Variants in ACOT13 observed in about 807,000 individuals in gnomAD.
The protein encoded by ACOT13 is acyl-coenzyme A thioesterase 13.
Under a neutral mutation model 11.8 loss-of-function variants are expected in ACOT13, and 10 were observed. The observed-to-expected ratio is 0.85, with a 90% confidence interval of 0.53 to 1.44. The LOEUF (loss-of-function observed/expected upper bound fraction) is 1.44. ACOT13 is among the 40% of genes most tolerant of loss of function. The probability of loss-of-function intolerance (pLI) is 0.00; values close to 1 mark genes in which losing one functional copy is unlikely to be tolerated. For missense variants in ACOT13, 172 were observed against 174.1 expected (o/e 0.99, Z 0.07); for synonymous variants, 53 against 61.0 (o/e 0.87, Z 0.61).
At chr6:24,676,572 T>C (rs1778458238) in intron 1 of ACOT13, among the ~76,000 whole-genome samples, 1 of 152,210 alleles carries the variant, frequency 6.6e-6, no homozygotes, top group African/African-American at 2.4e-5. Flanking sequence ...ACATTGATTT[T>C]GTATCCTGAG....
At chr6:24,700,423 AC>A (rs1262862556) in intron 2 of ACOT13, among the ~76,000 whole-genome samples, 6 of 117,252 alleles carry the variant, frequency 5.1e-5, no homozygotes, top group Non-Finnish European at 1.0e-4. Context: ...AATAAGATCC[AC>A]CTTTTTTTTT....
intron 1 of ACOT13, among the ~76,000 whole-genome samples, chr6:24,676,630 G>C (rs572815986): frequency 6.6e-6 from 1 of 152,176 alleles, no homozygotes; most frequent in African/African-American, 2.4e-5. Flanking sequence ...GGGCTGAGAT[G>C]ATGGGGTTTT....
At position 24,702,661 on chromosome 6, in the gene ACOT13, G is replaced by C. The variant is rs1013021291; in HGVS notation, c.*1046G>C. On this transcript the variant is annotated 3_prime_UTR_variant, in exon 3 of 3. Transcript: ENST00000230048. Reference sequence around the variant, plus strand: ...AAGATTATGAAACTTCAAAATATATGAACTACAGCCCATATTGAAAAATAA... The same window carrying C: ...AAGATTATGAAACTTCAAAATATATCAACTACAGCCCATATTGAAAAATAA... 1 of 151,780 alleles carries C rather than the reference G, an allele frequency of 6.6e-6. No individual in the cohort carries two copies. The highest frequency in any genetic ancestry group is 1.5e-5 in the Non-Finnish European group (1 of 67,980). The allele number at this position is 151,780 out of a possible 1,614,324, so 9.4% of individuals were successfully genotyped here. A position where few individuals can be genotyped will look rare whatever the true frequency, so the allele number is the denominator to read the frequency against.
intron 1 of ACOT13, among the ~76,000 whole-genome samples, chr6:24,680,003 TA>T (rs2127623408): frequency 6.6e-6 from 1 of 152,334 alleles, no homozygotes; most frequent in South Asian, 2.1e-4. Context: ...GTTCATTGTT[TA>T]TCCCTTTGTC....
intron 1 of ACOT13, among the ~76,000 whole-genome samples, chr6:24,669,138 T>A (rs1167212444): frequency 1.3e-5 from 2 of 152,208 alleles, no homozygotes; most frequent in African/African-American, 4.8e-5. Context: ...AGAAAGTTTA[T>A]TTTGCCAAGG....
chr6:24,678,061 AAG>A, intron 1 of ACOT13, among the ~76,000 whole-genome samples: 1 of 152,222 alleles, frequency 6.6e-6, no homozygotes, highest in East Asian at 1.9e-4. Context: ...ACTGAAGGAC[AAG>A]AGTGTCCAGG....
intron 1 of ACOT13, among the ~76,000 whole-genome samples, chr6:24,679,364 G>A (rs186727379): frequency 7.6e-4 from 116 of 152,266 alleles, no homozygotes; most frequent in Admixed American, 2.6e-3. Context: ...TCTAATGTCT[G>A]CAGTTGACTG....
Position 24,701,370 on chromosome 6 carries a change from A to G in ACOT13, c.267-89A>G, listed in dbSNP as rs1328749606. ...CGTTAAAACTATTTTTAGGAGTAAA[A>G]TAAGTTACATAGGAACACTGTTGTG... is the stretch of plus-strand genomic sequence containing the variant. On this transcript the variant is annotated intron_variant, in intron 2 of 2. Coordinates refer to ENST00000230048, the MANE Select transcript of ACOT13 (RefSeq NM_018473.4). 6 of 1,210,396 alleles carry G rather than the reference A, an allele frequency of 5.0e-6. No individual in the cohort carries two copies. The African/African-American group carries it at 9.2e-5, about 18-fold the overall frequency. The allele number at this position is 1,210,396 out of a possible 1,614,324, so 75.0% of individuals were successfully genotyped here. A position where few individuals can be genotyped will look rare whatever the true frequency, so the allele number is the denominator to read the frequency against.
intron 1 of ACOT13, among the ~76,000 whole-genome samples, chr6:24,678,995 T>C (rs1351762699): frequency 1.3e-5 from 2 of 152,208 alleles, no homozygotes; most frequent in African/African-American, 4.8e-5. Flanking sequence ...GGTTAGTGGC[T>C]TCTGACTCAG....
rs1308286611 is a variant in ACOT13, at chr6:24,701,683, G to T, written c.*68G>T. 5.6e-5 allele frequency: 81 copies of T among 1,434,096 alleles called. No individual in the cohort carries two copies. The highest frequency in any genetic ancestry group is 7.0e-5 in the Non-Finnish European group (75 of 1,074,152). 88.8% of individuals were successfully genotyped at this position (1,434,096 alleles called of 1,614,324 possible). A position where few individuals can be genotyped will look rare whatever the true frequency, so the allele number is the denominator to read the frequency against. On this transcript the variant is annotated 3_prime_UTR_variant, in exon 3 of 3. Transcript: ENST00000230048. ...AAGTATAGATTTGACTCAAACAATT[G>T]TAATTTTTGAAATAAACTAGCAAAA...
intron 1 of ACOT13, among the ~76,000 whole-genome samples, chr6:24,671,779 A>G (rs1256710342): frequency 6.6e-6 from 1 of 152,230 alleles, no homozygotes; most frequent in East Asian, 1.9e-4. Flanking sequence ...CAAAGACACA[A>G]TTGACAAGGA....
At position 24,674,808 on chromosome 6, in the gene ACOT13, T is replaced by C. The variant is rs555074231; in HGVS notation, c.81+7464T>C. Among the ~76,000 whole-genome samples the C allele has an allele frequency of 3.3e-5, 5 of 152,174 alleles. No individual in the cohort carries two copies. In the East Asian group the frequency reaches 9.7e-4, roughly 29 times the overall value. ...CAGGTTTGTTACATATGTATACATGTGCCATGTTGGTGTGCTGCACCCATT... is the reference window on the plus strand; with the variant it reads ...CAGGTTTGTTACATATGTATACATGCGCCATGTTGGTGTGCTGCACCCATT... On this transcript the variant is annotated intron_variant, in intron 1 of 2. Coordinates refer to ENST00000230048, the MANE Select transcript of ACOT13 (RefSeq NM_018473.4).
At chr6:24,685,561 T>C (rs1032724119) in intron 1 of ACOT13, among the ~76,000 whole-genome samples, 5 of 152,006 alleles carry the variant, frequency 3.3e-5, no homozygotes, top group African/African-American at 1.2e-4. Flanking sequence ...TTAGCCAGGA[T>C]GGTCTCGATC....
At chr6:24,696,162 C>T (rs1225921990) in intron 1 of ACOT13, among the ~76,000 whole-genome samples, 1 of 152,184 alleles carries the variant, frequency 6.6e-6, no homozygotes, top group Non-Finnish European at 1.5e-5. Flanking sequence ...CAAAACATGA[C>T]ATAATATTGT....
chr6:24,703,569 A>G lies in ACOT13; in HGVS notation c.*1954A>G, dbSNP rs111812604. 2.3e-3 allele frequency: 353 copies of G among 152,276 alleles called. 2 individuals are homozygous for G. Among genetic ancestry groups the G allele is most frequent in the African/African-American group, 8.1e-3 (335 of 41,566 alleles). The allele number at this position is 152,276 out of a possible 1,614,324, so 9.4% of individuals were successfully genotyped here. On this transcript the variant is annotated 3_prime_UTR_variant, in exon 3 of 3. Transcript: ENST00000230048. ...ATATGAGGCCATAGTGTTTAGGTAG[A>G]TAATAAATGGCAGAGATAGAACACT... is the stretch of plus-strand genomic sequence containing the variant.
At chr6:24,679,979 A>T (rs1403641138) in intron 1 of ACOT13, among the ~76,000 whole-genome samples, 1 of 152,024 alleles carries the variant, frequency 6.6e-6, no homozygotes, top group Non-Finnish European at 1.5e-5. Flanking sequence ...ATCGGGGAAT[A>T]TTGGCACTGT....
Position 24,704,921 on chromosome 6 carries a change from C to G in ACOT13, c.*3306C>G, listed in dbSNP as rs12215989. 6.6e-6 allele frequency: 1 copy of G among 151,750 alleles called. No individual in the cohort carries two copies. The highest frequency in any genetic ancestry group is 6.6e-5 in the Admixed American group (1 of 15,236). The allele number at this position is 151,750 out of a possible 1,614,324, so 9.4% of individuals were successfully genotyped here. A position where few individuals can be genotyped will look rare whatever the true frequency, so the allele number is the denominator to read the frequency against. On this transcript the variant is annotated 3_prime_UTR_variant, in exon 3 of 3. Coordinates refer to ENST00000230048, the MANE Select transcript of ACOT13 (RefSeq NM_018473.4). ...CCTATTTTATTTAGGTTTTCTTTTT[C>G]TTTTTTTCTTTTTTTTTCAAATTCC...
intron 1 of ACOT13, among the ~76,000 whole-genome samples, chr6:24,667,824 C>A (rs1487484991): frequency 6.6e-6 from 1 of 152,236 alleles, no homozygotes. Flanking sequence ...AGGCACCCAA[C>A]TCCTGAAGAA....
intron 1 of ACOT13, among the ~76,000 whole-genome samples, chr6:24,692,278 A>T (rs982134424): frequency 2.6e-5 from 4 of 152,176 alleles, no homozygotes; most frequent in Admixed American, 2.0e-4. Flanking sequence ...AGGGAAAGAG[A>T]GGCTGCCAAG....
Sources: allele counts gnomAD v4.1 joint callset (sites outside exome capture counted in the v4.1 genomes callset), GRCh38; gene constraint gnomAD v4.1.1; transcripts MANE v1.5; gene names NCBI Gene and HGNC (gene_info 2026-07-23, HGNC 2026-07-21).